FAT3: variants seen among roughly 807,000 people sequenced by gnomAD.
FAT3 encodes the protein protocadherin Fat 3.
Under a neutral mutation model 310.2 loss-of-function variants are expected in FAT3, and 95 were observed. That is an observed-to-expected ratio of 0.31 (90% CI 0.26 to 0.36). The LOEUF (loss-of-function observed/expected upper bound fraction) is 0.36, where lower values mean the gene tolerates loss of function less well. Ranked by LOEUF, FAT3 falls within the 10% of genes least tolerant of loss-of-function variation. The pLI is 1.00. For missense variants in FAT3, 5,408 were observed against 5,715.6 expected (o/e 0.95, Z 1.74); for synonymous variants, 2,314 against 2,192.9 (o/e 1.06, Z -1.54).
At chr11:92,888,887 T>C (rs1235905353) in intron 25 of FAT3, among the ~76,000 whole-genome samples, 1 of 152,182 alleles carries the variant, frequency 6.6e-6, no homozygotes, top group Non-Finnish European at 1.5e-5. Flanking sequence ...CCTTCCTAAA[T>C]TGATTTTGCT....
At chr11:92,387,017 T>C (rs1363985873) in intron 2 of FAT3, among the ~76,000 whole-genome samples, 1 of 151,724 alleles carries the variant, frequency 6.6e-6, no homozygotes, top group African/African-American at 2.4e-5. Flanking sequence ...CATAATGTAC[T>C]GTGATAAATG....
At chr11:92,342,106 A>C (rs1490666756) in intron 1 of FAT3, among the ~76,000 whole-genome samples, 1 of 152,208 alleles carries the variant, frequency 6.6e-6, no homozygotes, top group Non-Finnish European at 1.5e-5. Flanking sequence ...GTCTAGGGCA[A>C]GAACTGGTCC....
intron 2 of FAT3, among the ~76,000 whole-genome samples, chr11:92,419,103 G>A (rs1950483806): frequency 6.6e-6 from 1 of 152,104 alleles, no homozygotes; most frequent in Non-Finnish European, 1.5e-5. Context: ...CTTGGGCACA[G>A]GCTCCTTGTT....
intron 2 of FAT3, among the ~76,000 whole-genome samples, chr11:92,401,300 G>A (rs1950007922): frequency 6.6e-6 from 1 of 152,128 alleles, no homozygotes; most frequent in African/African-American, 2.4e-5. Context: ...CAGGTGCTCA[G>A]TAAGAGGACC....
chr11:92,626,161 A>G (rs1330692774), intron 3 of FAT3, among the ~76,000 whole-genome samples: 1 of 152,182 alleles, frequency 6.6e-6, no homozygotes, highest in African/African-American at 2.4e-5. Flanking sequence ...CCAAAGCCTG[A>G]GTGAATTTAT....
chr11:92,841,212 G>A (rs923662917), intron 18 of FAT3, among the ~76,000 whole-genome samples: 1 of 152,082 alleles, frequency 6.6e-6, no homozygotes, highest in African/African-American at 2.4e-5. Context: ...AGTTCCTCAT[G>A]TTCATTGGCC....
chr11:92,761,967 A>G lies in FAT3; in HGVS notation c.3781A>G (p.Ile1261Val). The change falls in exon 5 of 28, where the codon ATC becomes GTC. Residue 1261 changes from isoleucine (I) to valine (V), a missense_variant. Ile to Val is a conservative substitution (Grantham distance 29). Around this residue, in one of 5 missense-constraint regions of FAT3, gnomAD observed 4,588 missense variants for 4,809.8 expected, o/e 0.95. Transcript: ENST00000525166. ...KPQFPEKVYQ[I>V]KLPERDRKKR... ...CCAGTTCCCAGAGAAGGTCTACCAG[A>G]TCAAGCTGCCAGAACGTGACCGAAA... 2 of 1,614,010 alleles carry G rather than the reference A, an allele frequency of 1.2e-6. No homozygotes were observed. The highest frequency in any genetic ancestry group is 1.7e-6 in the Non-Finnish European group (2 of 1,179,890).
At chr11:92,715,455 T>G (rs1393572142) in intron 4 of FAT3, among the ~76,000 whole-genome samples, 1 of 151,864 alleles carries the variant, frequency 6.6e-6, no homozygotes, top group East Asian at 1.9e-4. Flanking sequence ...TAATTAATGT[T>G]AAATTGATAT....
chr11:92,331,138 G>T (rs1947913432), intron 1 of FAT3, among the ~76,000 whole-genome samples: 1 of 152,084 alleles, frequency 6.6e-6, no homozygotes, highest in African/African-American at 2.4e-5. Flanking sequence ...AATTAGGAGG[G>T]CTGTTTGAGA....
chr11:92,866,536 G>C (rs552388435), intron 21 of FAT3, among the ~76,000 whole-genome samples: 28 of 152,302 alleles, frequency 1.8e-4, no homozygotes, highest in African/African-American at 6.5e-4. Context: ...CAAGATTTGT[G>C]AAATATAAGG....
chr11:92,479,993 C>T (rs970485803), intron 2 of FAT3, among the ~76,000 whole-genome samples: 7 of 152,108 alleles, frequency 4.6e-5, no homozygotes, highest in East Asian at 1.9e-4. Flanking sequence ...AGGCTGGGCG[C>T]GGTTGCTCTC....
At position 92,315,475 on chromosome 11, in the gene FAT3, G is replaced by GTATATATATA. The variant is rs1555009254; in HGVS notation, c.-17-36620_-17-36619insATATATATAT. ...TATATATGTGTGTGTGTGTGTGTGT[G>GTATATATATA]TGTGTATATATATATATATATATAT... is the stretch of plus-strand genomic sequence containing the variant. On this transcript the variant is annotated intron_variant, in intron 1 of 27. Coordinates refer to ENST00000525166, the MANE Select transcript of FAT3 (RefSeq NM_001367949.2). Among the ~76,000 whole-genome samples, 7 of 76,658 alleles carry GTATATATATA rather than the reference G, an allele frequency of 9.1e-5. No individual in the cohort carries two copies. The East Asian group carries it at 1.2e-3, about 13-fold the overall frequency. 50.3% of individuals were successfully genotyped at this position (76,658 alleles called of 152,430 possible). A position where few individuals can be genotyped will look rare whatever the true frequency, so the allele number is the denominator to read the frequency against.
intron 3 of FAT3, among the ~76,000 whole-genome samples, chr11:92,580,073 T>G (rs2135528975): frequency 6.6e-6 from 1 of 152,224 alleles, no homozygotes; most frequent in South Asian, 2.1e-4. Context: ...GCATCCCAGC[T>G]TATAATCTTG....
At chr11:92,814,154 T>C (rs940369071) in intron 13 of FAT3, among the ~76,000 whole-genome samples, 1 of 152,204 alleles carries the variant, frequency 6.6e-6, no homozygotes, top group Non-Finnish European at 1.5e-5. Context: ...TAAATTTCTG[T>C]TGTTTATAAA....
chr11:92,669,601 C>A (rs899309655), intron 3 of FAT3, among the ~76,000 whole-genome samples: 4 of 152,144 alleles, frequency 2.6e-5, no homozygotes, highest in African/African-American at 9.7e-5. Context: ...TGTTCTGACC[C>A]CATATGAACA....
intron 2 of FAT3, among the ~76,000 whole-genome samples, chr11:92,471,789 T>A (rs144497586): frequency 2.6e-5 from 4 of 152,018 alleles, no homozygotes; most frequent in Admixed American, 1.3e-4. Context: ...TGTGATACAT[T>A]CATGCAGTTG....
Position 92,606,346 on chromosome 11 carries a change from C to T in FAT3, c.3607+81398C>T, listed in dbSNP as rs192630276. Among the ~76,000 whole-genome samples, 41 of 152,298 alleles carry T rather than the reference C, an allele frequency of 2.7e-4. 1 individual carries two copies. The East Asian group carries it at 5.0e-3, about 19-fold the overall frequency. On this transcript the variant is annotated intron_variant, in intron 3 of 27. Transcript: ENST00000525166. ...AGGTTGTTGGTTTGCAAGCATCCCT[C>T]CTTCTGCCTGAAGGAGAGTGCAGCA...
chr11:92,351,682 T>C (rs190101035), intron 1 of FAT3, among the ~76,000 whole-genome samples: 76 of 152,288 alleles, frequency 5.0e-4, no homozygotes, highest in African/African-American at 1.8e-3. Context: ...TTTTTTACTT[T>C]AAACTGTGCT....
chr11:92,282,277 T>C (rs1181713326), intron 1 of FAT3, among the ~76,000 whole-genome samples: 3 of 152,212 alleles, frequency 2.0e-5, no homozygotes, highest in South Asian at 2.1e-4. Flanking sequence ...TCAGGACTTA[T>C]TGTCACCTGC....
Sources: allele counts gnomAD v4.1 joint callset (sites outside exome capture counted in the v4.1 genomes callset), GRCh38; gene constraint gnomAD v4.1.1; regional missense constraint gnomAD v4.1.1; transcripts MANE v1.5; gene names NCBI Gene and HGNC (gene_info 2026-07-23, HGNC 2026-07-21).